NPHP1: variants seen among roughly 807,000 people sequenced by gnomAD.
NPHP1 encodes the protein nephrocystin-1.
A neutral mutation model predicts 90.4 loss-of-function variants in NPHP1; 70 were observed. The ratio of observed to expected loss-of-function variants is 0.77; its 90% CI spans 0.64 to 0.95. The LOEUF is 0.95. Among genes scored for constraint, NPHP1 ranks in the 40% least tolerant of loss-of-function variants. The probability of loss-of-function intolerance (pLI) is 0.00; values close to 1 mark genes in which losing one functional copy is unlikely to be tolerated. For synonymous variants in NPHP1, 256 were observed against 271.7 expected, an observed-to-expected ratio of 0.94 and a Z score of 0.57; for missense variants, 764 against 795.9, an observed-to-expected ratio of 0.96 and a Z score of 0.48.
chr2:110,124,887 T>C (rs1388681475), intron 19 of NPHP1: 1 of 233,256 alleles, frequency 4.3e-6, no homozygotes, highest in African/African-American at 2.3e-5. Context: ...TCCTAATTTT[T>C]AGGGTTTTCA....
At chr2:110,168,678 C>G in intron 5 of NPHP1, 125 bp from the exon 6 acceptor site, 3 of 693,110 alleles carry the variant, frequency 4.3e-6, no homozygotes, top group Non-Finnish European at 7.5e-6. Flanking sequence ...AATATTTATC[C>G]TAAGGTTTAT....
At chr2:110,150,505 G>C (rs1022114652) in intron 11 of NPHP1, among the ~76,000 whole-genome samples, 1 of 152,042 alleles carries the variant, frequency 6.6e-6, no homozygotes, top group Non-Finnish European at 1.5e-5. Context: ...ATCTGAGATA[G>C]GTTTGCCAGA....
chr2:110,186,386 T>A (rs1232401705), intron 2 of NPHP1, among the ~76,000 whole-genome samples: 2 of 152,182 alleles, frequency 1.3e-5, no homozygotes, highest in East Asian at 3.9e-4. Context: ...AACTAAGCTG[T>A]AGAGGTGGGA....
At chr2:110,195,045 AATATC>A (rs1254149693) in intron 2 of NPHP1, among the ~76,000 whole-genome samples, 5 of 152,148 alleles carry the variant, frequency 3.3e-5, no homozygotes, top group Non-Finnish European at 7.4e-5. Flanking sequence ...ACCCACAGCC[AATATC>A]ATACTGAATG....
Position 110,147,979 on chromosome 2 carries a change from C to T in NPHP1, c.1206G>A (p.Arg402=). 1 of 1,611,700 alleles carries T rather than the reference C, an allele frequency of 6.2e-7. No individual in the cohort carries two copies. The highest frequency in any genetic ancestry group is 8.5e-7 in the Non-Finnish European group (1 of 1,177,856). Reference sequence around the variant, plus strand: ...CAAGATCTGGAGATGCAGAATTAGACCTGATAAAGCAATCACCATCAAGCA... The same window carrying T: ...CAAGATCTGGAGATGCAGAATTAGATCTGATAAAGCAATCACCATCAAGCA... ...PCLLDGDCFI[R]SNSASPDLGI... The change falls in exon 13 of 20, where the codon AGG becomes AGA. Residue 402 remains arginine (R), a synonymous_variant. Coordinates refer to ENST00000445609, the MANE Select transcript of NPHP1 (RefSeq NM_001128178.3).
intron 4 of NPHP1, among the ~76,000 whole-genome samples, chr2:110,172,545 C>CT (rs1683208474): frequency 6.6e-6 from 1 of 151,940 alleles, no homozygotes; most frequent in South Asian, 2.1e-4. Flanking sequence ...CTTTGGGAGG[C>CT]TGAGGTGGGA....
chr2:110,155,042 G>C (rs1490264151), intron 11 of NPHP1, among the ~76,000 whole-genome samples: 3 of 152,040 alleles, frequency 2.0e-5, no homozygotes, highest in Non-Finnish European at 4.4e-5. Flanking sequence ...TGGTTTCATG[G>C]GCCAGGCCGA....
intron 18 of NPHP1, 66 bp from the exon 19 acceptor site, chr2:110,125,747 A>T: frequency 7.8e-7 from 1 of 1,281,952 alleles, no homozygotes; most frequent in South Asian, 1.2e-5. Flanking sequence ...ACTTATGCAA[A>T]TTTACTCTGT....
chr2:110,145,285 G>T lies in NPHP1; in HGVS notation c.1353-716C>A, dbSNP rs572874476. Among the ~76,000 whole-genome samples, 13 of 152,174 alleles carry T rather than the reference G, an allele frequency of 8.5e-5. No homozygotes were observed. The South Asian group carries it at 2.3e-3, about 27-fold the overall frequency. ...AGAGGCAACTTCTGGGAACAGTTTT[G>T]CTTTGTTTTGTTTTTGCTTTTTGGA... On this transcript the variant is annotated intron_variant, in intron 14 of 19. Coordinates refer to ENST00000445609, the MANE Select transcript of NPHP1 (RefSeq NM_001128178.3).
chr2:110,144,169 CT>C, intron 15 of NPHP1: 1 of 370,778 alleles, frequency 2.7e-6, no homozygotes, highest in Non-Finnish European at 5.0e-6. Flanking sequence ...ATGCATATTA[CT>C]GTTTCAAATG....
chr2:110,132,669 C>G (rs1574062566), intron 16 of NPHP1, among the ~76,000 whole-genome samples: 1 of 152,060 alleles, frequency 6.6e-6, no homozygotes, highest in Non-Finnish European at 1.5e-5. Flanking sequence ...AAAACAACAA[C>G]AACAAATGAA....
intron 16 of NPHP1, among the ~76,000 whole-genome samples, chr2:110,139,532 T>A (rs1176577795): frequency 6.6e-6 from 1 of 152,148 alleles, no homozygotes; most frequent in Non-Finnish European, 1.5e-5. Flanking sequence ...ACCGAATAAT[T>A]CACATTTTCA....
chr2:110,125,579 G>A (rs989265271), intron 19 of NPHP1, 58 bp downstream of exon 19: 1 of 1,455,092 alleles, frequency 6.9e-7, no homozygotes, highest in Non-Finnish European at 9.7e-7. Context: ...GATTAGAATA[G>A]GCAAGCAAAC....
intron 11 of NPHP1, among the ~76,000 whole-genome samples, chr2:110,156,781 T>C (rs1469298691): frequency 2.0e-5 from 1 of 51,118 alleles, no homozygotes; most frequent in Non-Finnish European, 3.7e-5. Context: ...TTGGTTTCTG[T>C]TTTTTTTTTT....
intron 16 of NPHP1, among the ~76,000 whole-genome samples, chr2:110,132,019 G>A (rs943560106): frequency 4.6e-5 from 7 of 151,950 alleles, no homozygotes; most frequent in African/African-American, 1.2e-4. Context: ...TGCCATTTTT[G>A]TGCTTCCATG....
chr2:110,125,167 G>C lies in NPHP1; in HGVS notation c.1761+470C>G, dbSNP rs776816170. ...TTCCCATTTGCCAAATCCTGGATGA[G>C]AGCAGTCAAACCACGACTCACCGAT... On this transcript the variant is annotated intron_variant, in intron 19 of 19. Transcript: ENST00000445609. 3.4e-5 allele frequency: 51 copies of C among 1,521,200 alleles called. 1 individual carries two copies. Among genetic ancestry groups the C allele is most frequent in the Admixed American group, 1.9e-4 (9 of 47,304 alleles). 94.2% of individuals were successfully genotyped at this position (1,521,200 alleles called of 1,614,324 possible).
intron 16 of NPHP1, among the ~76,000 whole-genome samples, chr2:110,134,633 C>A (rs1680030989): frequency 1.3e-5 from 2 of 151,404 alleles, no homozygotes; most frequent in Non-Finnish European, 1.5e-5. Flanking sequence ...AAAGCTTGTA[C>A]ACCATGACCA....
intron 18 of NPHP1, chr2:110,128,965 A>G: frequency 1.7e-6 from 1 of 587,934 alleles, no homozygotes; most frequent in Non-Finnish European, 3.1e-6. Context: ...GCAATAGTGT[A>G]CATAGCAGGC....
At chr2:110,175,888 T>A (rs1403244673) in intron 4 of NPHP1, among the ~76,000 whole-genome samples, 2 of 152,174 alleles carry the variant, frequency 1.3e-5, no homozygotes, top group African/African-American at 2.4e-5. Flanking sequence ...TCTGTTTTGT[T>A]CTTTGCATTT....
Sources: gnomAD v4.1 joint callset for allele counts (sites outside exome capture counted in the v4.1 genomes callset) on GRCh38, gnomAD v4.1.1 for gene constraint, MANE v1.5 for transcripts, NCBI Gene and HGNC (gene_info 2026-07-23, HGNC 2026-07-21) for gene names.